RASGRF1: variants seen among roughly 807,000 people sequenced by gnomAD.
RASGRF1 encodes Ras protein specific guanine nucleotide releasing factor 1.
In RASGRF1, 40 loss-of-function variants were observed where a neutral mutation model predicts 138.7. The observed-to-expected ratio is 0.29, with a 90% CI of 0.22 to 0.38. The LOEUF (loss-of-function observed/expected upper bound fraction) is 0.38. RASGRF1 is among the 10% of genes least tolerant of loss of function. The pLI, the probability that RASGRF1 is intolerant of heterozygous loss-of-function variation, is 1.00. For missense variants in RASGRF1, 1,108 were observed against 1,650.4 expected, an observed-to-expected ratio of 0.67 and a Z score of 5.69; for synonymous variants, 614 against 663.2, an observed-to-expected ratio of 0.93 and a Z score of 1.14.
At chr15:79,089,382 C>T (rs2058022175) in intron 1 of RASGRF1, among the ~76,000 whole-genome samples, 1 of 152,236 alleles carries the variant, frequency 6.6e-6, no homozygotes, top group Non-Finnish European at 1.5e-5. Context: ...CCCTTCACGC[C>T]AGAGGCTCAC....
At position 79,077,169 on chromosome 15, in the gene RASGRF1, T is replaced by C. The variant is rs530217704; in HGVS notation, c.277-12643A>G. The stretch of plus-strand genomic sequence containing the variant: ...TTTGGGAAGATCTATTAATATTCCA[T>C]AAAACCAGTGTTCCAGGGAGTCCAT... On this transcript the variant is annotated intron_variant, in intron 1 of 26. Coordinates refer to ENST00000558480, the MANE Select transcript of RASGRF1 (RefSeq NM_001145648.3). 2.0e-5 allele frequency among the ~76,000 whole-genome samples: 3 copies of C among 152,342 alleles called. No homozygotes were observed. In the East Asian group the frequency reaches 5.8e-4, roughly 29 times the overall value.
chr15:79,009,876 C>G (rs964976502), intron 13 of RASGRF1, among the ~76,000 whole-genome samples: 4 of 151,870 alleles, frequency 2.6e-5, no homozygotes, highest in Admixed American at 1.3e-4. Context: ...AGGTGCCCAC[C>G]ACCACACCCA....
intron 24 of RASGRF1, among the ~76,000 whole-genome samples, chr15:78,975,215 A>AC (rs1449019728): frequency 1.3e-5 from 2 of 152,158 alleles, no homozygotes; most frequent in Admixed American, 6.5e-5. Flanking sequence ...ACATAGTGAG[A>AC]CCCCATCTCT....
At chr15:78,989,212 G>T (rs1485963425) in intron 22 of RASGRF1, among the ~76,000 whole-genome samples, 5 of 152,210 alleles carry the variant, frequency 3.3e-5, no homozygotes, top group Admixed American at 1.3e-4. Flanking sequence ...GGAGCTGGGG[G>T]TGTGTGATGC....
At chr15:79,051,758 AC>A (rs1199232282) in intron 3 of RASGRF1, among the ~76,000 whole-genome samples, 1 of 152,232 alleles carries the variant, frequency 6.6e-6, no homozygotes, top group African/African-American at 2.4e-5. Context: ...TGCGCAGGCA[AC>A]AAAAACTTTG....
chr15:78,997,948 C>T, intron 19 of RASGRF1, 148 bp downstream of exon 19: 1 of 651,796 alleles, frequency 1.5e-6, no homozygotes, highest in Non-Finnish European at 2.7e-6. Context: ...CCCAAGAGCT[C>T]ACCTCTACCC....
intron 1 of RASGRF1, among the ~76,000 whole-genome samples, chr15:79,088,059 T>C (rs976568922): frequency 2.2e-4 from 33 of 152,228 alleles, no homozygotes; most frequent in Admixed American, 6.5e-4. Flanking sequence ...ACTGCTAGGA[T>C]GATTCAATAC....
chr15:79,001,737 C>T lies in RASGRF1; in HGVS notation c.2500G>A (p.Asp834Asn), dbSNP rs1350393326. The T allele has an allele frequency of 2.5e-6, 4 of 1,610,484 alleles. No homozygotes were observed. In the African/African-American group the frequency reaches 4.0e-5, roughly 16 times the overall value. Residue 834 changes from aspartate (D) to asparagine (N), a missense_variant, in exon 16 of 27, where the codon GAT (aspartate) becomes AAT (asparagine). Physicochemically the swap from Asp to Asn is conservative, Grantham distance 23 (BLOSUM62 1). Transcript: ENST00000558480. ...GGTGATGTTTCAGTATCACCATCAT[C>T]ACTCTGGTTTTGATCAATATCTGAC... ...EESDIDQNQSDDGDTETSPTK... is the reference protein window; with the variant it reads ...EESDIDQNQSNDGDTETSPTK...
rs1021017713 is a variant in RASGRF1 at position 79,032,593 on chromosome 15, G to A, written c.959-277C>T. On this transcript the variant is annotated intron_variant, in intron 6 of 26. Coordinates refer to ENST00000558480, the MANE Select transcript of RASGRF1 (RefSeq NM_001145648.3). This position sits in a 1 kb window ranked among gnomAD's most constrained non-coding sequence, Gnocchi z 4.5. ...ACTTGTGATGGGAGTGTCAGAGAGA[G>A]GAGGTAGAGTGGGCGCTGTGGGGTG... Among the ~76,000 whole-genome samples the A allele has an allele frequency of 6.6e-6, 1 of 152,196 alleles. No individual in the cohort carries two copies. Among genetic ancestry groups the A allele is most frequent in the African/African-American group, 2.4e-5 (1 of 41,456 alleles).
chr15:78,986,119 A>C (rs544801187), intron 22 of RASGRF1, among the ~76,000 whole-genome samples: 1 of 152,214 alleles, frequency 6.6e-6, no homozygotes, highest in Non-Finnish European at 1.5e-5. Context: ...GACAGGACAC[A>C]CTTTGAAGCA....
rs1276179554 is a variant in RASGRF1 at position 78,983,145 on chromosome 15, T to G, written c.3414+1862A>C. Among the ~76,000 whole-genome samples, 3 of 152,376 alleles carry G rather than the reference T, an allele frequency of 2.0e-5. No homozygotes were observed. In the East Asian group the frequency reaches 5.8e-4, roughly 29 times the overall value. ...GGACGCCTGTAGAGAGAGAATGAACTGCCTCTGGCAGATGCCGAGCAGGCC... is the reference window on the plus strand; with the variant it reads ...GGACGCCTGTAGAGAGAGAATGAACGGCCTCTGGCAGATGCCGAGCAGGCC... On this transcript the variant is annotated intron_variant, in intron 23 of 26. Coordinates refer to ENST00000558480, the MANE Select transcript of RASGRF1 (RefSeq NM_001145648.3).
chr15:79,007,925 C>G (rs956467385), intron 13 of RASGRF1, among the ~76,000 whole-genome samples: 2 of 151,662 alleles, frequency 1.3e-5, no homozygotes, highest in Admixed American at 6.6e-5. Flanking sequence ...GCTGGAGTGC[C>G]TCTGCCTCCA....
At chr15:79,008,019 T>C (rs2056719134) in intron 13 of RASGRF1, among the ~76,000 whole-genome samples, 1 of 152,074 alleles carries the variant, frequency 6.6e-6, no homozygotes, top group Non-Finnish European at 1.5e-5. Context: ...ATTTTTGTAT[T>C]CTTAGTAGAG....
chr15:79,020,530 T>C (rs944855656), intron 10 of RASGRF1, among the ~76,000 whole-genome samples: 1 of 152,254 alleles, frequency 6.6e-6, no homozygotes, highest in Non-Finnish European at 1.5e-5. Flanking sequence ...CTTATGGGTA[T>C]TGTAATTCTC....
At chr15:79,005,642 C>A (rs928837792) in intron 14 of RASGRF1, 2 of 991,074 alleles carry the variant, frequency 2.0e-6, no homozygotes, top group African/African-American at 3.5e-5. Context: ...GTTGACTCAC[C>A]CCAAGTAGGC....
chr15:79,039,311 A>AG (rs1392126555), intron 5 of RASGRF1, among the ~76,000 whole-genome samples: 7 of 151,108 alleles, frequency 4.6e-5, no homozygotes, highest in Admixed American at 4.0e-4. Context: ...AAAAAAAAAA[A>AG]AAAAAAAAAA....
At chr15:78,999,302 G>A (rs2056465154) in intron 17 of RASGRF1, among the ~76,000 whole-genome samples, 1 of 152,200 alleles carries the variant, frequency 6.6e-6, no homozygotes, top group Admixed American at 6.5e-5. Flanking sequence ...AGGAGGGTCA[G>A]CACTAGCAAA....
chr15:79,040,345 C>T (rs2057280863), intron 5 of RASGRF1, among the ~76,000 whole-genome samples: 1 of 152,146 alleles, frequency 6.6e-6, no homozygotes, highest in South Asian at 2.1e-4. Context: ...TCAGTGGGCC[C>T]CTAACTGGTC....
At chr15:78,979,125 C>A in intron 24 of RASGRF1, 1 of 1,289,882 alleles carries the variant, frequency 7.8e-7, no homozygotes, top group Non-Finnish European at 1.0e-6. Flanking sequence ...GGGCAGCTCC[C>A]CACAAGCACA....
Sources: gnomAD v4.1 joint callset for allele counts (sites outside exome capture counted in the v4.1 genomes callset) on GRCh38, gnomAD v4.1.1 for gene constraint, Gnocchi (gnomAD v3.1) non-coding constraint, MANE v1.5 for transcripts, NCBI Gene and HGNC (gene_info 2026-07-23, HGNC 2026-07-21) for gene names.